Variants in RGS6 observed in about 807,000 individuals in gnomAD.
The protein encoded by RGS6 is regulator of G-protein signaling 6.
RGS6 carries 30 observed loss-of-function variants against 78.5 expected under a neutral mutation model. The ratio of observed to expected loss-of-function variants is 0.38; its 90% confidence interval spans 0.29 to 0.52. The LOEUF is 0.52. RGS6 is among the 20% of genes least tolerant of loss of function. The pLI, the probability that RGS6 is intolerant of heterozygous loss-of-function variation, is 0.85. For synonymous variants in RGS6, 206 were observed against 206.0 expected (o/e 1.00, Z 0.00); for missense variants, 495 against 609.7 (o/e 0.81, Z 1.98).
chr14:72,140,864 C>T (rs1422682118), intron 2 of RGS6, among the ~76,000 whole-genome samples: 1 of 152,226 alleles, frequency 6.6e-6, no homozygotes, highest in Admixed American at 6.5e-5. Context: ...TTGCAATGGG[C>T]TGCTGGTGTT....
chr14:72,546,895 G>A (rs1346810863), intron 17 of RGS6, among the ~76,000 whole-genome samples: 1 of 152,186 alleles, frequency 6.6e-6, no homozygotes, highest in Non-Finnish European at 1.5e-5. Flanking sequence ...GCAGGCCTTC[G>A]CCATGACAGT....
chr14:72,486,403 T>C (rs372073193), intron 12 of RGS6, among the ~76,000 whole-genome samples: 4 of 152,086 alleles, frequency 2.6e-5, no homozygotes, highest in African/African-American at 4.8e-5. Context: ...TATAAATAAA[T>C]ACATGGCAGC....
chr14:72,327,107 G>A lies in RGS6; in HGVS notation c.85-24988G>A, dbSNP rs192505335. On this transcript the variant is annotated intron_variant, in intron 2 of 17. Transcript: ENST00000553525. ...GGAGGGGACTTAAATGGCCAGGGTTGGTGATAAAAAGTATTTTTTAATGTA... is the reference window on the plus strand; with the variant it reads ...GGAGGGGACTTAAATGGCCAGGGTTAGTGATAAAAAGTATTTTTTAATGTA... Among the ~76,000 whole-genome samples the A allele has an allele frequency of 1.5e-3, 221 of 152,172 alleles. 2 individuals carry two copies. The highest frequency in any genetic ancestry group is 7.1e-4 in the Non-Finnish European group (48 of 68,002).
chr14:72,365,799 C>A (rs1042851793), intron 3 of RGS6, among the ~76,000 whole-genome samples: 1 of 151,984 alleles, frequency 6.6e-6, no homozygotes, highest in Non-Finnish European at 1.5e-5. Flanking sequence ...AACCTATATT[C>A]ATCTAACCTG....
chr14:71,957,432 C>T (rs2092873209), intron 1 of RGS6, among the ~76,000 whole-genome samples: 1 of 149,050 alleles, frequency 6.7e-6, no homozygotes, highest in Non-Finnish European at 1.5e-5. Context: ...GACGTGAGGA[C>T]AGAGGGCTGT....
intron 3 of RGS6, among the ~76,000 whole-genome samples, chr14:72,388,939 AG>A (rs1346516611): frequency 6.6e-6 from 1 of 151,092 alleles, no homozygotes; most frequent in Non-Finnish European, 1.5e-5. Flanking sequence ...GTATACTGTA[AG>A]TGATTCCCAT....
intron 3 of RGS6, among the ~76,000 whole-genome samples, chr14:72,355,532 T>A (rs1266001751): frequency 6.6e-6 from 1 of 152,190 alleles, no homozygotes; most frequent in Non-Finnish European, 1.5e-5. Context: ...TTATTGAGTG[T>A]TCACTATTTT....
the RGS6 span, among the ~76,000 whole-genome samples, chr14:71,898,633 C>A: frequency 1.2e-4 from 18 of 152,162 alleles, no homozygotes; most frequent in Non-Finnish European, 2.6e-4. Context: ...GCCCCGCATG[C>A]GTTAGGTATT....
At chr14:72,536,559 G>A (rs770568833) in intron 16 of RGS6, among the ~76,000 whole-genome samples, 2 of 151,880 alleles carry the variant, frequency 1.3e-5, no homozygotes, top group Non-Finnish European at 2.9e-5. Flanking sequence ...AAAAGACTAA[G>A]GCCACAGTGG....
chr14:72,282,832 G>T (rs541040078), intron 2 of RGS6, among the ~76,000 whole-genome samples: 6 of 152,284 alleles, frequency 3.9e-5, no homozygotes, highest in African/African-American at 1.2e-4. Context: ...GCACAATACA[G>T]TATTGTTAAT....
chr14:72,001,168 A>G (rs1287396169), intron 2 of RGS6, among the ~76,000 whole-genome samples: 1 of 152,122 alleles, frequency 6.6e-6, no homozygotes, highest in African/African-American at 2.4e-5. Flanking sequence ...AACTGCTCGC[A>G]GTCGCGGTGG....
chr14:71,963,463 C>G (rs1412107586), intron 1 of RGS6, among the ~76,000 whole-genome samples: 1 of 152,202 alleles, frequency 6.6e-6, no homozygotes, highest in African/African-American at 2.4e-5. Context: ...TCACCTCTAT[C>G]AAGGCCCCTG....
At chr14:72,407,953 AG>A (rs2093071954) in intron 3 of RGS6, among the ~76,000 whole-genome samples, 1 of 152,244 alleles carries the variant, frequency 6.6e-6, no homozygotes, top group South Asian at 2.1e-4. Context: ...TGAAACCTCC[AG>A]GCTTACTTTG....
At chr14:72,334,778 G>T (rs572760749) in intron 2 of RGS6, among the ~76,000 whole-genome samples, 3 of 152,146 alleles carry the variant, frequency 2.0e-5, no homozygotes, top group African/African-American at 7.2e-5. Context: ...TAATATTAGA[G>T]GGACTCCCCT....
intron 2 of RGS6, among the ~76,000 whole-genome samples, chr14:71,991,484 CAATT>C (rs1413520261): frequency 6.6e-6 from 1 of 152,210 alleles, no homozygotes; most frequent in Non-Finnish European, 1.5e-5. Flanking sequence ...CTCTGTGTCT[CAATT>C]AAAACAGGTT....
chr14:72,614,267 G>T, the RGS6 span, among the ~76,000 whole-genome samples: 4 of 152,326 alleles, frequency 2.6e-5, no homozygotes, highest in South Asian at 8.3e-4. Flanking sequence ...GCAAGCTGGG[G>T]TTCAGGTAGG....
At chr14:72,120,909 G>A (rs982436899) in intron 2 of RGS6, among the ~76,000 whole-genome samples, 4 of 152,152 alleles carry the variant, frequency 2.6e-5, no homozygotes, top group African/African-American at 9.7e-5. Flanking sequence ...AACTCATCAC[G>A]TGGAACACCT....
intron 2 of RGS6, among the ~76,000 whole-genome samples, chr14:72,088,787 A>G (rs919307283): frequency 4.6e-5 from 7 of 152,060 alleles, no homozygotes; most frequent in Non-Finnish European, 1.0e-4. Context: ...TCCCCTCCTC[A>G]TCATGCCTTT....
intron 2 of RGS6, among the ~76,000 whole-genome samples, chr14:72,105,399 C>T (rs1776920950): frequency 6.6e-6 from 1 of 152,162 alleles, no homozygotes; most frequent in African/African-American, 2.4e-5. Context: ...GGATCATGTT[C>T]TATTCCTTTT....
Sources: gnomAD v4.1 joint callset for allele counts (sites outside exome capture counted in the v4.1 genomes callset) on GRCh38, gnomAD v4.1.1 for gene constraint, MANE v1.5 for transcripts, NCBI Gene and HGNC (gene_info 2026-07-23, HGNC 2026-07-21) for gene names.